Variants in REPS2 observed in about 807,000 individuals in gnomAD.
REPS2 encodes RALBP1 associated Eps domain containing 2.
A neutral mutation model predicts 53.6 loss-of-function variants in REPS2; 23 were observed. The observed-to-expected ratio is 0.43, with a 90% CI of 0.31 to 0.61. REPS2 has a LOEUF of 0.61. Among genes scored for constraint, REPS2 ranks in the 20% least tolerant of loss-of-function variants. The pLI is 0.11. For missense variants in REPS2, 446 were observed against 534.9 expected, an observed-to-expected ratio of 0.83 and a Z score of 1.64; for synonymous variants, 238 against 218.6, an observed-to-expected ratio of 1.09 and a Z score of -0.78.
At chrX:17,051,258 T>C (rs1404731494) in intron 6 of REPS2, among the ~76,000 whole-genome samples, 1 of 112,114 alleles carries the variant, frequency 8.9e-6, no homozygotes, top group Non-Finnish European at 1.9e-5. Flanking sequence ...TTTATTCATC[T>C]GTCAATGGAC....
chrX:17,010,152 C>T (rs2061410452), intron 2 of REPS2, among the ~76,000 whole-genome samples: 1 of 111,573 alleles, frequency 9.0e-6, no homozygotes, highest in Non-Finnish European at 1.9e-5. Context: ...GTAAAACTGG[C>T]TCAAGAAAGT....
chrX:16,980,001 A>G lies in REPS2; in HGVS notation c.274-26220A>G, dbSNP rs764695927. ...GGCCCCATCTTTGAGTTTGTCCTCAATAGCTCACAGATATTTTCATATTGT... is the reference window on the plus strand; with the variant it reads ...GGCCCCATCTTTGAGTTTGTCCTCAGTAGCTCACAGATATTTTCATATTGT... On this transcript the variant is annotated intron_variant, in intron 1 of 17. Transcript: ENST00000357277. Among the ~76,000 whole-genome samples the G allele has an allele frequency of 8.0e-5, 9 of 112,027 alleles. 1 individual carries two copies. In the South Asian group the frequency reaches 1.8e-3, roughly 23 times the overall value.
At chrX:17,184,249 A>G in the REPS2 span, among the ~76,000 whole-genome samples, 3 of 96,656 alleles carry the variant, frequency 3.1e-5, no homozygotes, top group Non-Finnish European at 6.0e-5. Context: ...TCATTGTTCA[A>G]TTCCCACCTA....
chrX:17,073,423 C>T (rs989970040), intron 11 of REPS2, among the ~76,000 whole-genome samples: 5 of 112,191 alleles, frequency 4.5e-5, no homozygotes, highest in Non-Finnish European at 7.5e-5. Context: ...AATTACTCCT[C>T]ACAACTTGTG....
chrX:17,152,367 A>C lies in REPS2; in HGVS notation c.*4886A>C, dbSNP rs1246239795. On this transcript the variant is annotated 3_prime_UTR_variant, in exon 18 of 18. Coordinates refer to ENST00000357277, the MANE Select transcript of REPS2 (RefSeq NM_004726.3). Reference sequence around the variant, plus strand: ...ATTGCAGGGTTTCAATACACAGGACATGTTCTAGTTACAGAAGCCTTGCTC... The same window carrying C: ...ATTGCAGGGTTTCAATACACAGGACCTGTTCTAGTTACAGAAGCCTTGCTC... 1 of 112,162 alleles carries C rather than the reference A, an allele frequency of 8.9e-6. No homozygotes were observed. The highest frequency in any genetic ancestry group is 1.9e-5 in the Non-Finnish European group (1 of 53,232). 9.2% of individuals were successfully genotyped at this position (112,162 alleles called of 1,213,427 possible). A position where few individuals can be genotyped will look rare whatever the true frequency, so the allele number is the denominator to read the frequency against.
chrX:16,969,054 C>T (rs1414676454), intron 1 of REPS2, among the ~76,000 whole-genome samples: 6 of 109,334 alleles, frequency 5.5e-5, no homozygotes, highest in East Asian at 3.0e-4. Context: ...TCAGACGGGG[C>T]GGCTGGGCAG....
the REPS2 span, among the ~76,000 whole-genome samples, chrX:17,183,782 G>A: frequency 8.9e-6 from 1 of 111,916 alleles, no homozygotes; most frequent in Admixed American, 9.5e-5. Flanking sequence ...ACTGAACTTT[G>A]CTCACCTTTC....
At chrX:17,031,835 C>T (rs1334664236) in intron 5 of REPS2, among the ~76,000 whole-genome samples, 51 of 112,226 alleles carry the variant, frequency 4.5e-4, no homozygotes, top group Admixed American at 1.9e-4. Flanking sequence ...ATGGGTTTGC[C>T]ATTTTATGAA....
At chrX:17,001,676 A>T (rs977903081) in intron 1 of REPS2, among the ~76,000 whole-genome samples, 1 of 112,275 alleles carries the variant, frequency 8.9e-6, no homozygotes, top group South Asian at 3.7e-4. Flanking sequence ...CATATGTTGT[A>T]TGTTAGTCCA....
chrX:16,986,477 A>G (rs1200440524), intron 1 of REPS2, among the ~76,000 whole-genome samples: 1 of 112,277 alleles, frequency 8.9e-6, no homozygotes, highest in Admixed American at 9.5e-5. Flanking sequence ...GAGGCAGACA[A>G]GATATCCATG....
chrX:16,955,818 A>T (rs2060585483), intron 1 of REPS2, among the ~76,000 whole-genome samples: 1 of 111,961 alleles, frequency 8.9e-6, no homozygotes. Flanking sequence ...TGCGGGGGAC[A>T]CCTTAGGATC....
the REPS2 span, among the ~76,000 whole-genome samples, chrX:17,189,179 G>A: frequency 0.24 from 26,194 of 110,868 alleles, 3,389 homozygotes; most frequent in African/African-American, 0.5. Context: ...CTAATCTAAC[G>A]CAAGAGAAAC....
In REPS2 at chrX:17,029,524, A is replaced by G. The variant is rs776596698; in HGVS notation, c.674-2A>G. The G allele has an allele frequency of 3.3e-6, 4 of 1,197,674 alleles. No individual in the cohort carries two copies. In the South Asian group the frequency reaches 7.1e-5, roughly 21 times the overall value. The stretch of plus-strand genomic sequence containing the variant: ...TACTGACTTTCCTTTCTGCTGTTTC[A>G]GCACCTTATGAAGCTAGGCAGCCCC... On this transcript the variant is annotated splice_acceptor_variant, in intron 4 of 17. Coordinates refer to ENST00000357277, the MANE Select transcript of REPS2 (RefSeq NM_004726.3). LOFTEE classifies it high-confidence loss of function.
At chrX:17,184,043 T>TA in the REPS2 span, among the ~76,000 whole-genome samples, 17 of 110,613 alleles carry the variant, frequency 1.5e-4, no homozygotes, top group Non-Finnish European at 3.0e-4. Context: ...TTTTTTTTTT[T>TA]ATACTTTAAG....
chrX:16,970,632 A>T (rs1022149879), intron 1 of REPS2, among the ~76,000 whole-genome samples: 2 of 112,171 alleles, frequency 1.8e-5, no homozygotes, highest in Non-Finnish European at 3.8e-5. Context: ...TATTTCCGGA[A>T]TATTTTTGTC....
intron 3 of REPS2, 63 bp from the exon 4 acceptor site, chrX:17,024,996 G>T: frequency 1.7e-5 from 20 of 1,206,123 alleles, no homozygotes; most frequent in South Asian, 5.3e-5. Flanking sequence ...TATGCTTCCT[G>T]ACTGCAGCTC....
the REPS2 span, among the ~76,000 whole-genome samples, chrX:17,163,256 G>C: frequency 1.8e-5 from 2 of 111,479 alleles, no homozygotes; most frequent in Non-Finnish European, 3.8e-5. Flanking sequence ...GCTGAAGAAA[G>C]AATCAGTGAA....
At chrX:16,965,945 C>T (rs1415575980) in intron 1 of REPS2, among the ~76,000 whole-genome samples, 1 of 112,488 alleles carries the variant, frequency 8.9e-6, no homozygotes, top group Non-Finnish European at 1.9e-5. Flanking sequence ...CCATCTCCAC[C>T]AAAAAAATAC....
intron 5 of REPS2, among the ~76,000 whole-genome samples, chrX:17,038,088 A>G (rs186851069): frequency 8.9e-6 from 1 of 112,521 alleles, no homozygotes; most frequent in East Asian, 2.8e-4. Context: ...CCACCATGCC[A>G]GGGGTACACT....
Sources: allele counts gnomAD v4.1 joint callset (sites outside exome capture counted in the v4.1 genomes callset), GRCh38; gene constraint gnomAD v4.1.1; transcripts MANE v1.5; gene names NCBI Gene and HGNC (gene_info 2026-07-23, HGNC 2026-07-21).